Variants in PPFIBP2 observed in about 807,000 individuals in gnomAD.
PPFIBP2 encodes PPFIB scaffold protein 2.
A neutral mutation model predicts 118.3 loss-of-function variants in PPFIBP2; 118 were observed. That is an observed-to-expected ratio of 1.00 (90% CI 0.86 to 1.16). The LOEUF (loss-of-function observed/expected upper bound fraction) is 1.16, where lower values mean the gene tolerates loss of function less well. Ranked by LOEUF, PPFIBP2 falls within the 50% of genes most tolerant of loss-of-function variation. The probability of loss-of-function intolerance (pLI) is 0.00; values close to 1 mark genes in which losing one functional copy is unlikely to be tolerated. For synonymous variants in PPFIBP2, 414 were observed against 397.4 expected (o/e 1.04, Z -0.50); for missense variants, 1,195 against 1,073.1 (o/e 1.11, Z -1.59).
intron 3 of PPFIBP2, among the ~76,000 whole-genome samples, chr11:7,572,582 G>C (rs1426504462): frequency 6.6e-6 from 1 of 152,170 alleles, no homozygotes; most frequent in East Asian, 1.9e-4. Flanking sequence ...GTGTTGCCAG[G>C]TTAGCATAAC....
At position 7,565,721 on chromosome 11, in the gene PPFIBP2, C is replaced by T. The variant is rs780210885; in HGVS notation, c.233C>T (p.Pro78Leu). ...AGAGCAGCCCTCCTGAGCCAGATCC[C>T]TGGCCCAACAGCTGCCTACATAAAG... Reference protein sequence around the residue: ...QERAALLSQIPGPTAAYIKEW... With the variant: ...QERAALLSQILGPTAAYIKEW... Residue 78 changes from proline (P) to leucine (L), a missense_variant, in exon 3 of 24, where the codon CCT (proline) becomes CTT (leucine). Coordinates refer to ENST00000299492, the MANE Select transcript of PPFIBP2 (RefSeq NM_003621.5). 2.5e-6 allele frequency: 4 copies of T among 1,614,166 alleles called. No individual in the cohort carries two copies. In the Admixed American group the frequency reaches 6.7e-5, roughly 27 times the overall value.
intron 6 of PPFIBP2, 34 bp downstream of exon 6, chr11:7,610,456 C>A (rs1244208455): frequency 6.2e-7 from 1 of 1,601,740 alleles, no homozygotes; most frequent in African/African-American, 1.3e-5. Flanking sequence ...TAAGCTCAGA[C>A]CTGGGAAGGC....
chr11:7,611,230 T>C (rs2135497735), intron 6 of PPFIBP2, among the ~76,000 whole-genome samples: 1 of 152,360 alleles, frequency 6.6e-6, no homozygotes, highest in African/African-American at 2.4e-5. Flanking sequence ...AACTTCAATT[T>C]CTTTATCTGG....
At chr11:7,664,240 C>T in the PPFIBP2 span, among the ~76,000 whole-genome samples, 1 of 152,120 alleles carries the variant, frequency 6.6e-6, no homozygotes, top group South Asian at 2.1e-4. Flanking sequence ...AGAGATGACA[C>T]TTGAATTTGG....
At chr11:7,540,687 A>AC (rs1300166985) in intron 1 of PPFIBP2, among the ~76,000 whole-genome samples, 2 of 152,080 alleles carry the variant, frequency 1.3e-5, no homozygotes, top group Non-Finnish European at 2.9e-5. Context: ...AGAATGGGGG[A>AC]CCCCACAGGG....
At chr11:7,552,257 G>T (rs1441066536) in intron 2 of PPFIBP2, among the ~76,000 whole-genome samples, 1 of 152,242 alleles carries the variant, frequency 6.6e-6, no homozygotes, top group African/African-American at 2.4e-5. Flanking sequence ...AGAGTTGCCT[G>T]TGTTGACATG....
At chr11:7,554,321 T>G (rs778540443) in intron 2 of PPFIBP2, among the ~76,000 whole-genome samples, 1 of 152,226 alleles carries the variant, frequency 6.6e-6, no homozygotes, top group African/African-American at 2.4e-5. Context: ...CTAAAATGGA[T>G]GTACTGTATT....
intron 6 of PPFIBP2, 64 bp downstream of exon 6, chr11:7,610,486 G>C: frequency 6.3e-7 from 1 of 1,585,440 alleles, no homozygotes. Flanking sequence ...GTGAATTTAG[G>C]CCATCTGGTC....
intron 12 of PPFIBP2, among the ~76,000 whole-genome samples, chr11:7,634,286 G>A (rs1851159849): frequency 6.6e-6 from 1 of 152,212 alleles, no homozygotes; most frequent in African/African-American, 2.4e-5. Flanking sequence ...ACCCTGTCAT[G>A]CCCTTACTAA....
At chr11:7,585,814 G>A (rs1281237444) in intron 3 of PPFIBP2, among the ~76,000 whole-genome samples, 1 of 152,164 alleles carries the variant, frequency 6.6e-6, no homozygotes, top group East Asian at 1.9e-4. Flanking sequence ...GGGTTAACTT[G>A]GCTGAAAAGT....
chr11:7,517,119 T>C (rs1167295931), intron 1 of PPFIBP2, among the ~76,000 whole-genome samples: 1 of 152,214 alleles, frequency 6.6e-6, no homozygotes, highest in Admixed American at 6.5e-5. Context: ...ATAAGAGTTT[T>C]AGTGGCTTTT....
At chr11:7,549,598 C>A in intron 2 of PPFIBP2, 59 bp downstream of exon 2, 43 of 1,317,040 alleles carry the variant, frequency 3.3e-5, no homozygotes, top group South Asian at 4.9e-5. Flanking sequence ...GGAACTGCTT[C>A]TCTCCTTTTA....
chr11:7,624,519 G>T (rs766430611), intron 7 of PPFIBP2, among the ~76,000 whole-genome samples: 1 of 152,168 alleles, frequency 6.6e-6, no homozygotes, highest in East Asian at 1.9e-4. Context: ...GGCCTTTGTG[G>T]AATTGAACAG....
intron 5 of PPFIBP2, among the ~76,000 whole-genome samples, chr11:7,600,284 T>G (rs1861196878): frequency 6.6e-6 from 1 of 152,228 alleles, no homozygotes; most frequent in South Asian, 2.1e-4. Context: ...GCTTGAGATC[T>G]TTTGAGTTCC....
intron 20 of PPFIBP2, 67 bp from the exon 21 acceptor site, chr11:7,649,465 G>T: frequency 6.3e-7 from 1 of 1,593,924 alleles, no homozygotes; most frequent in Non-Finnish European, 8.6e-7. Flanking sequence ...TTGGTCTGGT[G>T]AGGGACATCA....
At chr11:7,620,003 A>T (rs1478614798) in intron 6 of PPFIBP2, among the ~76,000 whole-genome samples, 1 of 152,232 alleles carries the variant, frequency 6.6e-6, no homozygotes, top group East Asian at 1.9e-4. Flanking sequence ...TTGTCTGTTA[A>T]GGAAATCTTG....
chr11:7,606,097 G>A, intron 5 of PPFIBP2: 2 of 1,434,126 alleles, frequency 1.4e-6, no homozygotes, highest in Non-Finnish European at 9.3e-7. Context: ...TGTGGTATAA[G>A]TGAAGAGCAC....
intron 1 of PPFIBP2, among the ~76,000 whole-genome samples, chr11:7,548,007 T>C (rs952454578): frequency 2.0e-5 from 3 of 152,162 alleles, no homozygotes; most frequent in Non-Finnish European, 4.4e-5. Context: ...CCTGATGTTA[T>C]ATCCTCACTT....
chr11:7,603,899 A>G (rs1370407870), intron 5 of PPFIBP2, among the ~76,000 whole-genome samples: 1 of 152,112 alleles, frequency 6.6e-6, no homozygotes, highest in Non-Finnish European at 1.5e-5. Flanking sequence ...GGGAACCTTC[A>G]AACAATTGGG....
Sources: allele counts gnomAD v4.1 joint callset (sites outside exome capture counted in the v4.1 genomes callset), GRCh38; gene constraint gnomAD v4.1.1; transcripts MANE v1.5; gene names NCBI Gene and HGNC (gene_info 2026-07-23, HGNC 2026-07-21).